EPS15L1: variants seen among roughly 807,000 people sequenced by gnomAD.
EPS15L1 encodes the protein epidermal growth factor receptor pathway substrate 15 like 1.
EPS15L1 carries 43 observed loss-of-function variants against 117.1 expected under a neutral mutation model. The ratio of observed to expected loss-of-function variants is 0.37; its 90% CI spans 0.29 to 0.47. The LOEUF is 0.47. Among genes scored for constraint, EPS15L1 ranks in the 20% least tolerant of loss-of-function variants. The pLI is 0.99. For synonymous variants in EPS15L1, 459 were observed against 470.5 expected (o/e 0.98, Z 0.32); for missense variants, 981 against 1,164.0 (o/e 0.84, Z 2.29).
At chr19:16,388,146 G>A (rs1342020163) in intron 19 of EPS15L1, among the ~76,000 whole-genome samples, 6 of 152,136 alleles carry the variant, frequency 3.9e-5, no homozygotes, top group Admixed American at 1.3e-4. Context: ...AGGTTCAAGC[G>A]ATTCTCCTGC....
At chr19:16,415,617 T>G (rs1284607264) in intron 12 of EPS15L1, among the ~76,000 whole-genome samples, 1 of 152,164 alleles carries the variant, frequency 6.6e-6, no homozygotes, top group African/African-American at 2.4e-5. Context: ...AGAGGAAAGC[T>G]CAGCCCACAC....
In EPS15L1 at chr19:16,355,768, C is replaced by T. The variant is rs762462486; in HGVS notation, c.2670G>A (p.Arg890=). Residue 890 remains arginine (R), a synonymous_variant, in exon 24 of 24, where the codon CGG becomes CGA. Coordinates refer to ENST00000455140, the MANE Select transcript of EPS15L1 (RefSeq NM_001258374.3). ...CCAGTTCCAGGTCCTCCTGCTCCTG[C>T]CGCCGCAGCCGCGCCAGCCTCTCCT... ...AEQERLARLR[R]QEQEDLELAI... is the part of the protein sequence containing the mutation. 7.8e-6 allele frequency: 12 copies of T among 1,535,980 alleles called. No homozygotes were observed. The highest frequency in any genetic ancestry group is 5.9e-5 in the South Asian group (5 of 84,066).
intron 13 of EPS15L1, among the ~76,000 whole-genome samples, chr19:16,412,301 A>T (rs538063343): frequency 2.0e-5 from 3 of 152,074 alleles, no homozygotes; most frequent in African/African-American, 7.2e-5. Context: ...GGAGATTAAG[A>T]CCATCCTAGC....
chr19:16,419,924 G>C (rs1295079818), intron 10 of EPS15L1, among the ~76,000 whole-genome samples: 2 of 152,240 alleles, frequency 1.3e-5, no homozygotes, highest in Non-Finnish European at 1.5e-5. Context: ...CCCACCTGTG[G>C]AAGGTTCTGA....
At chr19:16,417,525 T>C (rs771414163) in intron 12 of EPS15L1, 27 bp downstream of exon 12, 24 of 1,584,552 alleles carry the variant, frequency 1.5e-5, no homozygotes, top group Admixed American at 8.3e-5. Context: ...CATCTGGATG[T>C]GGAGGGAAGG....
At chr19:16,450,169 C>T (rs934178584) in intron 1 of EPS15L1, among the ~76,000 whole-genome samples, 2 of 152,088 alleles carry the variant, frequency 1.3e-5, no homozygotes, top group African/African-American at 4.8e-5. Flanking sequence ...ATTACCTGAG[C>T]CCAGGAGTTC....
At chr19:16,385,055 C>T (rs1190358433) in intron 21 of EPS15L1, 74 bp downstream of exon 21, 4 of 1,171,446 alleles carry the variant, frequency 3.4e-6, no homozygotes, top group Non-Finnish European at 2.6e-6. Flanking sequence ...AACAATTACG[C>T]CTGGCAGCCC....
intron 8 of EPS15L1, among the ~76,000 whole-genome samples, chr19:16,427,575 T>C (rs757061419): frequency 2.6e-5 from 4 of 152,138 alleles, no homozygotes; most frequent in Non-Finnish European, 4.4e-5. Context: ...CAAAGAACTA[T>C]GTCAAGACAA....
intron 8 of EPS15L1, among the ~76,000 whole-genome samples, chr19:16,425,764 C>G (rs1295950067): frequency 1.3e-5 from 2 of 152,146 alleles, no homozygotes; most frequent in African/African-American, 4.8e-5. Context: ...GTGATCGCGC[C>G]ACTGCACTCC....
intron 18 of EPS15L1, among the ~76,000 whole-genome samples, chr19:16,393,351 G>GA (rs1398797817): frequency 2.0e-5 from 3 of 151,226 alleles, no homozygotes; most frequent in East Asian, 1.9e-4. Flanking sequence ...AATTTCACCT[G>GA]AAAAAAAATA....
chr19:16,358,886 G>A (rs533457695), intron 23 of EPS15L1, among the ~76,000 whole-genome samples: 6 of 152,292 alleles, frequency 3.9e-5, no homozygotes, highest in Non-Finnish European at 8.8e-5. Flanking sequence ...CAAAAGAACC[G>A]TTCCGCTAAC....
chr19:16,433,009 C>T (rs1258189295), intron 7 of EPS15L1, among the ~76,000 whole-genome samples: 1 of 151,358 alleles, frequency 6.6e-6, no homozygotes, highest in Non-Finnish European at 1.5e-5. Context: ...TGGGGTTTCA[C>T]CATATTGCCC....
chr19:16,385,272 T>C, intron 20 of EPS15L1, 61 bp from the exon 21 acceptor site: 1 of 1,421,362 alleles, frequency 7.0e-7, no homozygotes, highest in Non-Finnish European at 9.9e-7. Context: ...CCTTCTGGGG[T>C]GGAGGGGAAA....
In EPS15L1 at chr19:16,370,017, GT is replaced by G. The variant is rs1368001721; in HGVS notation, c.2380+7104del. ...GTCGCAGACGCCACCTCTGCAAAGG[GT>G]AGGAAGGCGCCTTGCCCACATGTAA... On this transcript the variant is annotated intron_variant, in intron 22 of 23. Coordinates refer to ENST00000455140, the MANE Select transcript of EPS15L1 (RefSeq NM_001258374.3). The surrounding 1 kb of genome is among the most constrained non-coding windows in gnomAD (Gnocchi z 5.2). 6.6e-6 allele frequency among the ~76,000 whole-genome samples: 1 copy of G among 152,160 alleles called. No homozygotes were observed. The highest frequency in any genetic ancestry group is 1.5e-5 in the Non-Finnish European group (1 of 68,002).
intron 1 of EPS15L1, among the ~76,000 whole-genome samples, chr19:16,459,426 A>G (rs1267627304): frequency 6.6e-6 from 1 of 152,162 alleles, no homozygotes; most frequent in Non-Finnish European, 1.5e-5. Flanking sequence ...GTGCCCTCCT[A>G]GAAGCAGGCC....
At chr19:16,391,237 G>GA (rs2092471202) in intron 19 of EPS15L1, among the ~76,000 whole-genome samples, 1 of 152,042 alleles carries the variant, frequency 6.6e-6, no homozygotes, top group Admixed American at 6.6e-5. Context: ...ATAGAAAAGA[G>GA]AAAATCAATG....
At chr19:16,424,212 G>A (rs575033636) in intron 9 of EPS15L1, among the ~76,000 whole-genome samples, 1 of 152,210 alleles carries the variant, frequency 6.6e-6, no homozygotes, top group South Asian at 2.1e-4. Context: ...TTGCTGGCCT[G>A]GAGATGAGGA....
At chr19:16,446,177 G>A (rs2093081635) in intron 1 of EPS15L1, among the ~76,000 whole-genome samples, 1 of 152,176 alleles carries the variant, frequency 6.6e-6, no homozygotes, top group Admixed American at 6.5e-5. Flanking sequence ...GCCTGTAACT[G>A]TAACCCAGGA....
At chr19:16,427,755 G>A (rs1192999681) in intron 8 of EPS15L1, among the ~76,000 whole-genome samples, 2 of 152,128 alleles carry the variant, frequency 1.3e-5, no homozygotes, top group African/African-American at 4.8e-5. Context: ...TTATCTGGCT[G>A]TGATGGAGTG....
Sources: allele counts gnomAD v4.1 joint callset (sites outside exome capture counted in the v4.1 genomes callset), GRCh38; gene constraint gnomAD v4.1.1; non-coding constraint Gnocchi (gnomAD v3.1); transcripts MANE v1.5; gene names NCBI Gene and HGNC (gene_info 2026-07-23, HGNC 2026-07-21).